TMEM266: variants seen among roughly 807,000 people sequenced by gnomAD.
TMEM266 encodes the protein transmembrane protein 266.
Under a neutral mutation model 50.5 loss-of-function variants are expected in TMEM266, and 33 were observed. That is an observed-to-expected ratio of 0.65 (90% CI 0.50 to 0.87). TMEM266 has a LOEUF of 0.87. Among genes scored for constraint, TMEM266 ranks in the 40% least tolerant of loss-of-function variants. The probability of loss-of-function intolerance (pLI) is 0.00; values close to 1 mark genes in which losing one functional copy is unlikely to be tolerated. For missense variants in TMEM266, 655 were observed against 695.1 expected (o/e 0.94, Z 0.65); for synonymous variants, 310 against 292.3 (o/e 1.06, Z -0.62).
chr15:76,187,957 C>T (rs906295354), intron 8 of TMEM266, among the ~76,000 whole-genome samples: 2 of 152,164 alleles, frequency 1.3e-5, no homozygotes, highest in Non-Finnish European at 2.9e-5. Flanking sequence ...ATGATATTCT[C>T]CTGGGGGTGG....
At chr15:76,072,438 C>CAAA (rs766766619) in intron 1 of TMEM266, among the ~76,000 whole-genome samples, 18 of 54,422 alleles carry the variant, frequency 3.3e-4, no homozygotes, top group Non-Finnish European at 4.4e-4. Context: ...AAAACTCTGT[C>CAAA]AAAAAAAAAA....
intron 9 of TMEM266, among the ~76,000 whole-genome samples, chr15:76,199,516 G>A (rs1228918157): frequency 6.7e-6 from 1 of 150,186 alleles, no homozygotes; most frequent in Admixed American, 6.7e-5. Context: ...GCCTGGTCTG[G>A]CCTCAGCTCC....
At chr15:76,099,900 C>T (rs2955745) in intron 1 of TMEM266, among the ~76,000 whole-genome samples, 8,158 of 152,168 alleles carry the variant, frequency 0.054, 685 homozygotes, top group African/African-American at 0.18. Flanking sequence ...CTTACCACCA[C>T]AAAGCAGGAG....
rs1423947742 is a variant in TMEM266, at chr15:76,160,980, TG to T, written c.456+815del. On this transcript the variant is annotated intron_variant, in intron 5 of 10. Coordinates refer to ENST00000388942, the MANE Select transcript of TMEM266 (RefSeq NM_152335.3). The surrounding 1 kb of genome is among the most constrained non-coding windows in gnomAD (Gnocchi z 5.7). ...TGAGACTCTGGCCTGCATCTGGGTGTGGGAGGAATTGGCTTGGTCCTGCTGC... is the reference window on the plus strand; with the variant it reads ...TGAGACTCTGGCCTGCATCTGGGTGTGGAGGAATTGGCTTGGTCCTGCTGC... 1.3e-5 allele frequency among the ~76,000 whole-genome samples: 2 copies of T among 152,038 alleles called. No individual in the cohort carries two copies. The highest frequency in any genetic ancestry group is 4.8e-5 in the African/African-American group (2 of 41,402).
At chr15:76,084,604 T>G (rs1028425659) in intron 1 of TMEM266, among the ~76,000 whole-genome samples, 1 of 148,710 alleles carries the variant, frequency 6.7e-6, no homozygotes. Flanking sequence ...TTTGGTTTTT[T>G]TTTTTTTGTT....
chr15:76,137,901 T>C lies in TMEM266; in HGVS notation c.227+6T>C. Reference sequence around the variant, plus strand: ...GAAGATTACCAAAGAGAAGGGTAGGTGCTGGGACCATTGAGCTAGCTAAGA... The same window carrying C: ...GAAGATTACCAAAGAGAAGGGTAGGCGCTGGGACCATTGAGCTAGCTAAGA... On this transcript the variant is annotated splice_donor_region_variant and intron_variant, in intron 3 of 10. Transcript: ENST00000388942. 7 of 1,555,438 alleles carry C rather than the reference T, an allele frequency of 4.5e-6. No individual in the cohort carries two copies. Among genetic ancestry groups the C allele is most frequent in the Non-Finnish European group, 6.1e-6 (7 of 1,152,462 alleles).
chr15:76,096,770 C>G lies in TMEM266; in HGVS notation c.-97+36754C>G, dbSNP rs977399814. On this transcript the variant is annotated intron_variant, in intron 1 of 10. Transcript: ENST00000388942. Reference sequence around the variant, plus strand: ...CTCTTTATAGGTCTCTAAGAACTTGCTTTATGAATCTGGGTGCTCCTGTAT... The same window carrying G: ...CTCTTTATAGGTCTCTAAGAACTTGGTTTATGAATCTGGGTGCTCCTGTAT... Among the ~76,000 whole-genome samples, 4 of 151,930 alleles carry G rather than the reference C, an allele frequency of 2.6e-5. 1 individual carries two copies. The highest frequency in any genetic ancestry group is 4.8e-5 in the African/African-American group (2 of 41,404).
chr15:76,203,651 T>C, intron 10 of TMEM266, 90 bp from the exon 11 acceptor site: 1 of 1,257,372 alleles, frequency 8.0e-7, no homozygotes, highest in Non-Finnish European at 1.1e-6. Context: ...CCACACTCAT[T>C]GCCCACCGCC....
Position 76,138,145 on chromosome 15 carries a change from C to T in TMEM266, c.227+250C>T, listed in dbSNP as rs555823718. Among the ~76,000 whole-genome samples, 3 of 149,506 alleles carry T rather than the reference C, an allele frequency of 2.0e-5. No individual in the cohort carries two copies. The East Asian group carries it at 6.0e-4, about 30-fold the overall frequency. On this transcript the variant is annotated intron_variant, in intron 3 of 10. Transcript: ENST00000388942. Reference sequence around the variant, plus strand: ...GCTGAGGCAGGAGAATTGCTTGAACCCGAGAGGCGGAGGTTGCAGTGAGCT... The same window carrying T: ...GCTGAGGCAGGAGAATTGCTTGAACTCGAGAGGCGGAGGTTGCAGTGAGCT...
At chr15:76,070,125 G>A (rs2036515776) in intron 1 of TMEM266, among the ~76,000 whole-genome samples, 1 of 152,188 alleles carries the variant, frequency 6.6e-6, no homozygotes, top group Admixed American at 6.5e-5. Context: ...TTTTCCTTGT[G>A]TAATAAGTCT....
rs1003226137 is a variant in TMEM266, at chr15:76,204,230, T to G, written c.1511T>G (p.Phe504Cys). The G allele has an allele frequency of 1.9e-6, 3 of 1,613,846 alleles. No individual in the cohort carries two copies. In the African/African-American group the frequency reaches 4.0e-5, roughly 22 times the overall value. Reference sequence around the variant, plus strand: ...TTTCAGATCAGGCCTGTCATCCACTTCCAGCCCACTGTGCCCATGCTGGAG... The same window carrying G: ...TTTCAGATCAGGCCTGTCATCCACTGCCAGCCCACTGTGCCCATGCTGGAG... The change falls in exon 11 of 11, where the codon TTC becomes TGC. Residue 504 changes from phenylalanine (F) to cysteine (C), a missense_variant. By Grantham distance (205) the Phe-to-Cys change is radical. Coordinates refer to ENST00000388942, the MANE Select transcript of TMEM266 (RefSeq NM_152335.3).
chr15:76,168,110 C>G lies in TMEM266; in HGVS notation c.457-1706C>G, dbSNP rs1278423128. Among the ~76,000 whole-genome samples, 2 of 152,218 alleles carry G rather than the reference C, an allele frequency of 1.3e-5. No homozygotes were observed. The highest frequency in any genetic ancestry group is 2.9e-5 in the Non-Finnish European group (2 of 68,042). Reference sequence around the variant, plus strand: ...ACTTGCCCAAGGCCACACAACCAGCCCATTATTGAGCTCTGATCTCAAGAC... The same window carrying G: ...ACTTGCCCAAGGCCACACAACCAGCGCATTATTGAGCTCTGATCTCAAGAC... On this transcript the variant is annotated intron_variant, in intron 5 of 10. Coordinates refer to ENST00000388942, the MANE Select transcript of TMEM266 (RefSeq NM_152335.3). This position sits in a 1 kb window ranked among gnomAD's most constrained non-coding sequence, Gnocchi z 4.4.
intron 1 of TMEM266, among the ~76,000 whole-genome samples, chr15:76,126,320 A>G (rs1204489789): frequency 6.7e-6 from 1 of 149,842 alleles, no homozygotes; most frequent in South Asian, 2.1e-4. Flanking sequence ...AAGCAACCTA[A>G]GTGTCCATCA....
intron 1 of TMEM266, among the ~76,000 whole-genome samples, chr15:76,103,910 C>CAA (rs35293752): frequency 0.2 from 25,634 of 126,672 alleles, 2,664 homozygotes; most frequent in Non-Finnish European, 0.26. Flanking sequence ...GACTCCATCT[C>CAA]AAAAAAAAAA....
intron 8 of TMEM266, among the ~76,000 whole-genome samples, chr15:76,182,472 T>TAA (rs201138789): frequency 1.3e-5 from 2 of 150,652 alleles, no homozygotes; most frequent in Non-Finnish European, 3.0e-5. Context: ...CCGTCTCTAC[T>TAA]AAAAAAAAAT....
chr15:76,092,876 C>T (rs1201993629), intron 1 of TMEM266, among the ~76,000 whole-genome samples: 4 of 141,692 alleles, frequency 2.8e-5, no homozygotes, highest in Non-Finnish European at 4.5e-5. Flanking sequence ...GGCACACTCT[C>T]GACTCACTGC....
intron 9 of TMEM266, among the ~76,000 whole-genome samples, chr15:76,201,266 G>A (rs2038742578): frequency 2.0e-5 from 3 of 152,172 alleles, no homozygotes; most frequent in Admixed American, 2.0e-4. Context: ...CTTGGAACAA[G>A]GCCCAGCTCT....
At chr15:76,138,717 G>A (rs1011377271) in intron 3 of TMEM266, among the ~76,000 whole-genome samples, 2 of 152,246 alleles carry the variant, frequency 1.3e-5, no homozygotes, top group African/African-American at 4.8e-5. Context: ...GGGAAGGCAT[G>A]CGGAATATGT....
chr15:76,162,070 C>G (rs762651697), intron 5 of TMEM266, among the ~76,000 whole-genome samples: 1 of 152,198 alleles, frequency 6.6e-6, no homozygotes, highest in Admixed American at 6.5e-5. Flanking sequence ...GCACAGGAAT[C>G]GCAGCCTCAG....
Sources: gnomAD v4.1 joint callset for allele counts (sites outside exome capture counted in the v4.1 genomes callset) on GRCh38, gnomAD v4.1.1 for gene constraint, Gnocchi (gnomAD v3.1) non-coding constraint, MANE v1.5 for transcripts, NCBI Gene and HGNC (gene_info 2026-07-23, HGNC 2026-07-21) for gene names.